Variants in ZRANB3 observed in about 807,000 individuals in gnomAD.
ZRANB3 encodes zinc finger RANBP2-type containing 3.
In ZRANB3, 125 loss-of-function variants were observed where a neutral mutation model predicts 133.8. That is an observed-to-expected ratio of 0.93 (90% confidence interval 0.81 to 1.08). The LOEUF is 1.08. ZRANB3 is among the 50% of genes least tolerant of loss of function. ZRANB3 has a pLI of 0.00. For missense variants in ZRANB3, 1,229 were observed against 1,275.5 expected (o/e 0.96, Z 0.56); for synonymous variants, 387 against 432.7 (o/e 0.89, Z 1.31).
chr2:135,376,398 T>G (rs1042140305), intron 3 of ZRANB3, among the ~76,000 whole-genome samples: 1 of 152,216 alleles, frequency 6.6e-6, no homozygotes, highest in African/African-American at 2.4e-5. Flanking sequence ...CATGTGAATA[T>G]GTACAGCAGC....
chr2:135,423,094 C>A (rs1446872138), intron 2 of ZRANB3, among the ~76,000 whole-genome samples: 3 of 152,164 alleles, frequency 2.0e-5, no homozygotes, highest in Admixed American at 6.5e-5. Context: ...CTAATCTCTG[C>A]CATTCTGCTT....
chr2:135,318,225 T>C (rs1683352491), intron 6 of ZRANB3, among the ~76,000 whole-genome samples: 1 of 146,788 alleles, frequency 6.8e-6, no homozygotes, highest in Non-Finnish European at 1.5e-5. Context: ...TGTGTGTGTG[T>C]GTGTGTGTGT....
chr2:135,207,503 T>A lies in ZRANB3; in HGVS notation c.2940A>T (p.Arg980Ser). ...VNAQELFLRL[R>S]DAPKSQRKNL... is the part of the protein sequence containing the mutation. ...TCTTCCTCTGACTTTTAGGGGCATC[T>A]CTCAGACGTAAAAAGAGTTCTTGTG... is the stretch of plus-strand genomic sequence containing the variant. Residue 980 changes from arginine to serine, a missense_variant, in exon 19 of 21, where the codon AGA (arginine) becomes AGT (serine). Transcript: ENST00000264159. 1.2e-6 allele frequency: 2 copies of A among 1,614,026 alleles called. No homozygotes were observed. Among genetic ancestry groups the A allele is most frequent in the East Asian group, 4.5e-5 (2 of 44,886 alleles).
At chr2:135,453,948 A>C (rs1250642080) in intron 2 of ZRANB3, among the ~76,000 whole-genome samples, 1 of 152,232 alleles carries the variant, frequency 6.6e-6, no homozygotes, top group East Asian at 1.9e-4. Context: ...GACATACCCG[A>C]AACTGGGAAC....
chr2:135,294,859 A>C (rs1045634789), intron 8 of ZRANB3, among the ~76,000 whole-genome samples: 1 of 151,912 alleles, frequency 6.6e-6, no homozygotes, highest in African/African-American at 2.4e-5. Flanking sequence ...TATGTACCCA[A>C]TACTCATTCA....
chr2:135,342,004 T>G lies in ZRANB3; in HGVS notation c.677+3546A>C, dbSNP rs777503032. ...GACCTTGCCCTACCCATTTGCCTTG[T>G]GATATTTTATTGCCCTTGAAGCATG... On this transcript the variant is annotated intron_variant, in intron 6 of 20. Coordinates refer to ENST00000264159, the MANE Select transcript of ZRANB3 (RefSeq NM_032143.4). Among the ~76,000 whole-genome samples, 14 of 149,972 alleles carry G rather than the reference T, an allele frequency of 9.3e-5. 2 individuals carry two copies. Among genetic ancestry groups the G allele is most frequent in the African/African-American group, 2.0e-4 (8 of 39,314 alleles).
At chr2:135,491,292 G>C (rs1427270790) in intron 2 of ZRANB3, among the ~76,000 whole-genome samples, 1 of 151,984 alleles carries the variant, frequency 6.6e-6, no homozygotes, top group Non-Finnish European at 1.5e-5. Context: ...AAGGTAAAAG[G>C]GAAACAAAGG....
intron 16 of ZRANB3, among the ~76,000 whole-genome samples, chr2:135,218,634 C>G (rs1694411438): frequency 6.6e-6 from 1 of 152,166 alleles, no homozygotes; most frequent in African/African-American, 2.4e-5. Context: ...AGTGTTAAGA[C>G]CTCCCTGGCA....
chr2:135,330,271 T>C (rs1179551334), intron 6 of ZRANB3, among the ~76,000 whole-genome samples: 3 of 152,330 alleles, frequency 2.0e-5, no homozygotes, highest in East Asian at 1.9e-4. Context: ...TGAAGGGCTG[T>C]TGAATTTTGT....
rs370569403 is a variant in ZRANB3, at chr2:135,316,535, G to A, written c.678-1005C>T. On this transcript the variant is annotated intron_variant, in intron 6 of 20. Transcript: ENST00000264159. ...ATGATTACTAATATTAATAATTTAA[G>A]TAACTATCATTTTACTGGATAAAAA... Among the ~76,000 whole-genome samples the A allele has an allele frequency of 3.9e-5, 6 of 152,186 alleles. No individual in the cohort carries two copies. In the East Asian group the frequency reaches 9.6e-4, roughly 24 times the overall value.
At chr2:135,489,704 T>C (rs1165448589) in intron 2 of ZRANB3, among the ~76,000 whole-genome samples, 1 of 150,874 alleles carries the variant, frequency 6.6e-6, no homozygotes, top group African/African-American at 2.4e-5. Context: ...CAGGTACTAC[T>C]AAAATAGGAA....
In ZRANB3 at chr2:135,208,861, A is replaced by C. The variant is rs1204909363; in HGVS notation, c.2606+7T>G. The C allele has an allele frequency of 6.2e-7, 1 of 1,612,408 alleles. No homozygotes were observed. The highest frequency in any genetic ancestry group is 1.1e-5 in the South Asian group (1 of 91,010). ...ACTACTATATACTAGTAGTAGAAAA[A>C]CCTTACTTTGTGAAAGGATCCCGTG... On this transcript the variant is annotated splice_region_variant and intron_variant, in intron 18 of 20. Transcript: ENST00000264159.
chr2:135,374,786 G>A (rs1686345756), intron 3 of ZRANB3, among the ~76,000 whole-genome samples: 2 of 152,192 alleles, frequency 1.3e-5, no homozygotes, highest in South Asian at 4.1e-4. Flanking sequence ...ATAGGAGTGA[G>A]CCACCGTGCC....
intron 10 of ZRANB3, among the ~76,000 whole-genome samples, chr2:135,269,514 G>C (rs923441782): frequency 3.3e-5 from 5 of 152,128 alleles, no homozygotes; most frequent in East Asian, 1.9e-4. Flanking sequence ...ACCAGGCAGA[G>C]AGCATTTACA....
At chr2:135,314,938 C>T (rs185348233) in intron 7 of ZRANB3, among the ~76,000 whole-genome samples, 5 of 151,848 alleles carry the variant, frequency 3.3e-5, no homozygotes, top group South Asian at 2.1e-4. Context: ...TTAGTAGAGA[C>T]GAGTTTTCAC....
chr2:135,359,491 G>GA (rs1685576794), intron 3 of ZRANB3, among the ~76,000 whole-genome samples: 1 of 151,452 alleles, frequency 6.6e-6, no homozygotes, highest in Non-Finnish European at 1.5e-5. Flanking sequence ...GCTGAGGTGG[G>GA]AGGACTGCTT....
At chr2:135,357,992 T>C (rs1475985524) in intron 3 of ZRANB3, among the ~76,000 whole-genome samples, 2 of 152,206 alleles carry the variant, frequency 1.3e-5, no homozygotes, top group South Asian at 2.1e-4. Flanking sequence ...AGTTTACTCA[T>C]TGTTGCCCTT....
chr2:135,461,379 G>A (rs1018708890), intron 2 of ZRANB3, among the ~76,000 whole-genome samples: 24 of 152,162 alleles, frequency 1.6e-4, no homozygotes, highest in African/African-American at 5.8e-4. Flanking sequence ...AGACCAGCCT[G>A]ATCAACGTGG....
At chr2:135,419,988 C>T (rs1655673725) in intron 2 of ZRANB3, among the ~76,000 whole-genome samples, 1 of 150,362 alleles carries the variant, frequency 6.7e-6, no homozygotes, top group Non-Finnish European at 1.5e-5. Context: ...CTTTAACTCG[C>T]TCTCTCGCCA....
Sources: allele counts gnomAD v4.1 joint callset (sites outside exome capture counted in the v4.1 genomes callset), GRCh38; gene constraint gnomAD v4.1.1; transcripts MANE v1.5; gene names NCBI Gene and HGNC (gene_info 2026-07-23, HGNC 2026-07-21).